The following KDSR variants were observed in gnomAD, a reference collection of about 807,000 sequenced individuals.
KDSR encodes the protein 3-ketodihydrosphingosine reductase.
A neutral mutation model predicts 41.3 loss-of-function variants in KDSR; 23 were observed. The observed-to-expected ratio is 0.56, with a 90% CI of 0.40 to 0.79. The LOEUF is 0.79. KDSR is among the 30% of genes least tolerant of loss of function. The pLI, the probability that KDSR is intolerant of heterozygous loss-of-function variation, is 0.00. For synonymous variants in KDSR, 138 were observed against 151.7 expected, an observed-to-expected ratio of 0.91 and a Z score of 0.66; for missense variants, 351 against 416.8, an observed-to-expected ratio of 0.84 and a Z score of 1.37.
chr18:63,362,742 A>G (rs1268470274), intron 2 of KDSR, 37 bp downstream of exon 2: 2 of 1,401,832 alleles, frequency 1.4e-6, no homozygotes, highest in Non-Finnish European at 2.0e-6. Flanking sequence ...TTCAAGTCGA[A>G]GAAGCAAGTC....
chr18:63,360,029 A>G (rs1914917956), intron 2 of KDSR, among the ~76,000 whole-genome samples: 1 of 152,258 alleles, frequency 6.6e-6, no homozygotes, highest in Non-Finnish European at 1.5e-5. Flanking sequence ...AGAGAAAGAT[A>G]GTAGAAAACA....
chr18:63,337,352 G>T lies in KDSR; in HGVS notation c.777+1448C>A, dbSNP rs187646756. 8.1e-3 allele frequency among the ~76,000 whole-genome samples: 1,238 copies of T among 152,112 alleles called. 18 individuals are homozygous for T. Among genetic ancestry groups the T allele is most frequent in the African/African-American group, 0.029 (1,193 of 41,486 alleles). On this transcript the variant is annotated intron_variant, in intron 8 of 9. Transcript: ENST00000645214. ...GCTGGTATTGAACTCCTGACTTCAG[G>T]TGATCCGCCCGCCTTGGCCTCCCAA...
At position 63,355,291 on chromosome 18, in the gene KDSR, C is replaced by T; in HGVS notation, c.330G>A (p.Glu110=). The change falls in exon 5 of 10, where the codon GAG becomes GAA. Residue 110 remains glutamate (E), a synonymous_variant. Transcript: ENST00000645214. ...QVENVIKQAQ[E]KLGPVDMLVN... is the part of the protein sequence containing the mutation. ...CCAGCATGTCCACTGGACCCAGTTT[C>T]TCCTGTGCCTAGAAAAATGTAGCAG... 6.2e-7 allele frequency: 1 copy of T among 1,613,894 alleles called. No individual in the cohort carries two copies. Among genetic ancestry groups the T allele is most frequent in the East Asian group, 2.2e-5 (1 of 44,876 alleles).
In KDSR at chr18:63,355,314, C is replaced by T; in HGVS notation, c.322-15G>A. On this transcript the variant is annotated splice_polypyrimidine_tract_variant and intron_variant, in intron 4 of 9. Coordinates refer to ENST00000645214, the MANE Select transcript of KDSR (RefSeq NM_002035.4). ...TTCTCCTGTGCCTAGAAAAATGTAG[C>T]AGAGCAGGCATTAAGAAACAGAGAA... 6.2e-7 allele frequency: 1 copy of T among 1,610,612 alleles called. No individual in the cohort carries two copies. Among genetic ancestry groups the T allele is most frequent in the South Asian group, 1.1e-5 (1 of 90,606 alleles).
chr18:63,338,016 C>G (rs1466754390), intron 8 of KDSR, among the ~76,000 whole-genome samples: 1 of 152,220 alleles, frequency 6.6e-6, no homozygotes, highest in Non-Finnish European at 1.5e-5. Flanking sequence ...AAAATAAAGT[C>G]TCACTTGTGC....
intron 7 of KDSR, among the ~76,000 whole-genome samples, chr18:63,342,426 C>T (rs944116563): frequency 7.9e-5 from 12 of 152,044 alleles, no homozygotes; most frequent in African/African-American, 1.7e-4. Flanking sequence ...AGACCAGGAA[C>T]GGGGACGACC....
At chr18:63,358,287 GC>G (rs1914861811) in intron 3 of KDSR, among the ~76,000 whole-genome samples, 1 of 152,150 alleles carries the variant, frequency 6.6e-6, no homozygotes, top group Non-Finnish European at 1.5e-5. Flanking sequence ...ATGAGTGACT[GC>G]CTAGCTGAGA....
At chr18:63,366,186 G>T (rs953686068) in intron 1 of KDSR, 1 of 152,232 alleles carries the variant, frequency 6.6e-6, no homozygotes. Context: ...GTTTAAGAAA[G>T]GTGCCACATT....
rs146210182 is a variant in KDSR, at chr18:63,364,601, G to A, written c.109-1733C>T. Among the ~76,000 whole-genome samples the A allele has an allele frequency of 3.1e-3, 479 of 152,134 alleles. 2 individuals are homozygous for A. Among genetic ancestry groups the A allele is most frequent in the African/African-American group, 0.011 (466 of 41,514 alleles). ...GGGGATTACAGGCGTGCGCCAGCAC[G>A]CCCAACTAATTTTTGTATTTTTAGT... On this transcript the variant is annotated intron_variant, in intron 1 of 9. Coordinates refer to ENST00000645214, the MANE Select transcript of KDSR (RefSeq NM_002035.4).
At chr18:63,365,241 C>G (rs149847438) in intron 1 of KDSR, among the ~76,000 whole-genome samples, 1 of 152,156 alleles carries the variant, frequency 6.6e-6, no homozygotes, top group African/African-American at 2.4e-5. Flanking sequence ...ATTTTACTAC[C>G]GTAACTAGAT....
intron 3 of KDSR, 165 bp downstream of exon 3, chr18:63,359,569 CGT>C (rs946132320): frequency 5.4e-5 from 30 of 557,716 alleles, no homozygotes; most frequent in South Asian, 7.5e-5. Flanking sequence ...ATTCATTTTG[CGT>C]GTGTGTGATA....
intron 8 of KDSR, among the ~76,000 whole-genome samples, chr18:63,337,109 TGTGA>T (rs56327837): frequency 0.04 from 773 of 19,098 alleles, 45 homozygotes; most frequent in Admixed American, 0.064. Context: ...TATATATATA[TGTGA>T]ATATATATAT....
chr18:63,338,675 T>A, intron 8 of KDSR, 125 bp downstream of exon 8: 4 of 683,646 alleles, frequency 5.9e-6, no homozygotes, highest in Non-Finnish European at 2.5e-6. Context: ...ATATTAGATA[T>A]GACAAATCTG....
In KDSR at chr18:63,358,931, C is replaced by G. The variant is rs186543733; in HGVS notation, c.255+805G>C. ...CAGTGGCTCACTCCTATAATACCAG[C>G]ACTTTGGGAGGCAGAGGTAGGCGGA... is the stretch of plus-strand genomic sequence containing the variant. On this transcript the variant is annotated intron_variant, in intron 3 of 9. Transcript: ENST00000645214. Among the ~76,000 whole-genome samples the G allele has an allele frequency of 3.3e-5, 5 of 150,588 alleles. No homozygotes were observed. In the East Asian group the frequency reaches 9.7e-4, roughly 29 times the overall value.
intron 3 of KDSR, chr18:63,359,408 C>T: frequency 4.5e-6 from 1 of 222,646 alleles, no homozygotes; most frequent in Non-Finnish European, 9.0e-6. Context: ...TTTTATTCAT[C>T]AAAAATTCCA....
chr18:63,337,469 A>T (rs993532552), intron 8 of KDSR, among the ~76,000 whole-genome samples: 10 of 152,180 alleles, frequency 6.6e-5, no homozygotes, highest in African/African-American at 2.4e-4. Flanking sequence ...TCCATTTCAA[A>T]TATGGCAAAT....
chr18:63,350,532 A>T (rs934249967), intron 6 of KDSR, among the ~76,000 whole-genome samples: 2 of 152,248 alleles, frequency 1.3e-5, no homozygotes, highest in African/African-American at 4.8e-5. Context: ...ATTCAGTCAT[A>T]AGGACAAACT....
At chr18:63,358,368 T>C (rs1371422933) in intron 3 of KDSR, among the ~76,000 whole-genome samples, 1 of 152,098 alleles carries the variant, frequency 6.6e-6, no homozygotes, top group Non-Finnish European at 1.5e-5. Flanking sequence ...AGGAAAACAT[T>C]CTAAAATTGA....
chr18:63,340,484 T>A (rs970438347), intron 7 of KDSR, among the ~76,000 whole-genome samples: 1 of 152,094 alleles, frequency 6.6e-6, no homozygotes, highest in African/African-American at 2.4e-5. Flanking sequence ...GAGAAAAAAA[T>A]ATATAAAACT....
Sources: gnomAD v4.1 joint callset for allele counts (sites outside exome capture counted in the v4.1 genomes callset) on GRCh38, gnomAD v4.1.1 for gene constraint, MANE v1.5 for transcripts, NCBI Gene and HGNC (gene_info 2026-07-23, HGNC 2026-07-21) for gene names.